Variants in ANKS1B observed in about 807,000 individuals in gnomAD.
ANKS1B encodes ankyrin repeat and sterile alpha motif domain containing 1B.
ANKS1B carries 36 observed loss-of-function variants against 148.3 expected under a neutral mutation model. The ratio of observed to expected loss-of-function variants is 0.24; its 90% CI spans 0.19 to 0.32. The LOEUF (loss-of-function observed/expected upper bound fraction) is 0.32, where lower values mean the gene tolerates loss of function less well. Among genes scored for constraint, ANKS1B ranks in the 10% least tolerant of loss-of-function variants. The pLI is 1.00. For synonymous variants in ANKS1B, 542 were observed against 560.8 expected, an observed-to-expected ratio of 0.97 and a Z score of 0.47; for missense variants, 1,157 against 1,542.6, an observed-to-expected ratio of 0.75 and a Z score of 4.19.
chr12:98,772,067 T>G (rs1244657509), intron 25 of ANKS1B, among the ~76,000 whole-genome samples: 1 of 152,158 alleles, frequency 6.6e-6, no homozygotes, highest in African/African-American at 2.4e-5. Context: ...AGATACTAGG[T>G]AGGGCTGGCA....
intron 12 of ANKS1B, among the ~76,000 whole-genome samples, chr12:99,374,325 T>G (rs554180143): frequency 6.6e-6 from 1 of 152,260 alleles, no homozygotes; most frequent in South Asian, 2.1e-4. Flanking sequence ...TTTCCCCGTG[T>G]CTGGATGGAT....
intron 8 of ANKS1B, among the ~76,000 whole-genome samples, chr12:99,693,742 G>A (rs1015199273): frequency 1.3e-5 from 2 of 151,320 alleles, no homozygotes; most frequent in Non-Finnish European, 2.9e-5. Flanking sequence ...TTAAATGACT[G>A]GTTCCTACAC....
chr12:99,911,804 T>A (rs61940358), intron 1 of ANKS1B, among the ~76,000 whole-genome samples: 2 of 152,188 alleles, frequency 1.3e-5, no homozygotes, highest in Admixed American at 1.3e-4. Flanking sequence ...ATAACATTTC[T>A]GTAAATATTT....
chr12:99,479,444 G>C (rs2096375719), intron 10 of ANKS1B, among the ~76,000 whole-genome samples: 1 of 151,928 alleles, frequency 6.6e-6, no homozygotes. Flanking sequence ...CTTCAAATTT[G>C]TTTTGTTTTT....
At chr12:98,993,878 A>G (rs926964980) in intron 17 of ANKS1B, among the ~76,000 whole-genome samples, 2 of 152,228 alleles carry the variant, frequency 1.3e-5, no homozygotes, top group Non-Finnish European at 2.9e-5. Flanking sequence ...ATGATATTTA[A>G]TCTTCCTAAT....
chr12:99,915,253 G>A (rs1325643567), intron 1 of ANKS1B, among the ~76,000 whole-genome samples: 1 of 144,634 alleles, frequency 6.9e-6, no homozygotes, highest in Admixed American at 6.9e-5. Context: ...AGCTCCAACT[G>A]TGAAGGGCAC....
At chr12:98,756,711 G>A (rs1201077078) in intron 25 of ANKS1B, among the ~76,000 whole-genome samples, 1 of 150,698 alleles carries the variant, frequency 6.6e-6, no homozygotes, top group Non-Finnish European at 1.5e-5. Flanking sequence ...GGGTGACAGA[G>A]CGAGACTCCA....
chr12:99,613,116 C>G (rs2097916067), intron 9 of ANKS1B, among the ~76,000 whole-genome samples: 2 of 152,124 alleles, frequency 1.3e-5, no homozygotes, highest in Non-Finnish European at 1.5e-5. Context: ...GCCATTTCCA[C>G]CTCAGTGAGG....
In ANKS1B at chr12:99,184,037, C is replaced by G. The variant is rs139616308; in HGVS notation, c.2420-29642G>C. Among the ~76,000 whole-genome samples, 1,034 of 152,212 alleles carry G rather than the reference C, an allele frequency of 6.8e-3. 8 individuals carry two copies. The highest frequency in any genetic ancestry group is 0.024 in the African/African-American group (985 of 41,542). ...AGACATAGTCTTGAAGTAAAATGAGCCTTATCATCTCAAATGGGTAATCTG... is the reference window on the plus strand; with the variant it reads ...AGACATAGTCTTGAAGTAAAATGAGGCTTATCATCTCAAATGGGTAATCTG... On this transcript the variant is annotated intron_variant, in intron 14 of 26. Transcript: ENST00000683438.
At chr12:98,859,471 A>G (rs994711573) in intron 17 of ANKS1B, among the ~76,000 whole-genome samples, 2 of 152,226 alleles carry the variant, frequency 1.3e-5, no homozygotes, top group Admixed American at 6.5e-5. Context: ...GCCACAAATA[A>G]GCCATTATGA....
At chr12:99,449,438 G>A (rs564599301) in intron 10 of ANKS1B, among the ~76,000 whole-genome samples, 1 of 152,200 alleles carries the variant, frequency 6.6e-6, no homozygotes, top group East Asian at 1.9e-4. Context: ...ACCAGATGCT[G>A]AAGTCTGTGA....
intron 8 of ANKS1B, among the ~76,000 whole-genome samples, chr12:99,709,618 C>A (rs1235349327): frequency 6.6e-6 from 1 of 152,038 alleles, no homozygotes. Context: ...TTTTTGAAAT[C>A]TAAATATCCA....
intron 10 of ANKS1B, among the ~76,000 whole-genome samples, chr12:99,466,759 T>C (rs998354654): frequency 5.9e-5 from 9 of 152,214 alleles, no homozygotes; most frequent in South Asian, 2.1e-4. Context: ...AATCTATGAA[T>C]AGACCAATAA....
At chr12:99,637,071 C>T (rs897527186) in intron 9 of ANKS1B, among the ~76,000 whole-genome samples, 1 of 152,076 alleles carries the variant, frequency 6.6e-6, no homozygotes, top group African/African-American at 2.4e-5. Flanking sequence ...TTTGGGAGGC[C>T]AAGGTGGGTG....
intron 8 of ANKS1B, among the ~76,000 whole-genome samples, chr12:99,770,470 T>A (rs187619589): frequency 6.6e-6 from 1 of 152,246 alleles, no homozygotes; most frequent in African/African-American, 2.4e-5. Context: ...AGCAATATTC[T>A]GGAAAAAAAA....
At position 99,185,517 on chromosome 12, in the gene ANKS1B, TG is replaced by T. The variant is rs1322007978; in HGVS notation, c.2420-31123del. The stretch of plus-strand genomic sequence containing the variant: ...CAGTAAGATCAATGCAGAAGGTGGG[TG>T]ATTTCTGCATTTCTAACTGAGGTAC... On this transcript the variant is annotated intron_variant, in intron 14 of 26. Coordinates refer to ENST00000683438, the MANE Select transcript of ANKS1B (RefSeq NM_001352186.2). Among the ~76,000 whole-genome samples the T allele has an allele frequency of 2.6e-5, 4 of 152,226 alleles. No homozygotes were observed. The East Asian group carries it at 7.7e-4, about 29-fold the overall frequency.
At chr12:99,465,623 A>C (rs1008501372) in intron 10 of ANKS1B, among the ~76,000 whole-genome samples, 6 of 152,170 alleles carry the variant, frequency 3.9e-5, no homozygotes, top group Non-Finnish European at 7.3e-5. Context: ...GGAAAACAAA[A>C]AAAGGAAGGG....
chr12:99,731,456 G>A (rs1054277407), intron 8 of ANKS1B, among the ~76,000 whole-genome samples: 35 of 134,010 alleles, frequency 2.6e-4, no homozygotes, highest in Non-Finnish European at 3.4e-4. Context: ...GTGTGTGTGT[G>A]TGTTTTAATT....
intron 8 of ANKS1B, among the ~76,000 whole-genome samples, chr12:99,692,103 TTAAGTATA>T (rs2098682349): frequency 6.6e-6 from 1 of 152,154 alleles, no homozygotes; most frequent in South Asian, 2.1e-4. Flanking sequence ...ATTTTGCTTG[TTAAGTATA>T]TAAGAAAGTC....
Sources: allele counts gnomAD v4.1 joint callset (sites outside exome capture counted in the v4.1 genomes callset), GRCh38; gene constraint gnomAD v4.1.1; transcripts MANE v1.5; gene names NCBI Gene and HGNC (gene_info 2026-07-23, HGNC 2026-07-21).